Variants in CHRM5 observed in about 807,000 individuals in gnomAD.
The protein encoded by CHRM5 is muscarinic acetylcholine receptor M5.
CHRM5 carries 18 observed loss-of-function variants against 39.0 expected under a neutral mutation model. That is an observed-to-expected ratio of 0.46 (90% CI 0.32 to 0.68). The LOEUF is 0.68. Ranked by LOEUF, CHRM5 falls within the 30% of genes least tolerant of loss-of-function variation. The probability of loss-of-function intolerance (pLI) is 0.04; values close to 1 mark genes in which losing one functional copy is unlikely to be tolerated. For synonymous variants in CHRM5, 241 were observed against 246.3 expected (o/e 0.98, Z 0.20); for missense variants, 515 against 651.1 (o/e 0.79, Z 2.28).
intron 2 of CHRM5, among the ~76,000 whole-genome samples, chr15:34,055,780 G>T (rs549399615): frequency 6.6e-6 from 1 of 152,052 alleles, no homozygotes; most frequent in Non-Finnish European, 1.5e-5. Flanking sequence ...CAGCCTGGGC[G>T]ACGGAGCAAG....
At chr15:34,042,973 C>T (rs1030793811) in intron 1 of CHRM5, among the ~76,000 whole-genome samples, 1 of 151,914 alleles carries the variant, frequency 6.6e-6, no homozygotes, top group Non-Finnish European at 1.5e-5. Context: ...ATTGGCCAGG[C>T]GCGGTGGCTC....
intron 1 of CHRM5, among the ~76,000 whole-genome samples, chr15:34,043,248 A>G (rs1311182360): frequency 7.1e-6 from 1 of 139,942 alleles, no homozygotes. Flanking sequence ...ATCCGTCTCA[A>G]AAAAAAAAAA....
intron 2 of CHRM5, among the ~76,000 whole-genome samples, chr15:34,056,227 A>C (rs1249407454): frequency 6.6e-6 from 1 of 152,238 alleles, no homozygotes; most frequent in African/African-American, 2.4e-5. Context: ...ATTTTAAAGG[A>C]TAAACCATTA....
rs1427065514 is a variant in CHRM5 at position 34,066,905 on chromosome 15, T to C, written c.*2589T>C. The C allele has an allele frequency of 6.6e-6, 1 of 152,124 alleles. No individual in the cohort carries two copies. Among genetic ancestry groups the C allele is most frequent in the East Asian group, 1.9e-4 (1 of 5,198 alleles). 9.4% of individuals were successfully genotyped at this position (152,124 alleles called of 1,614,324 possible). On this transcript the variant is annotated 3_prime_UTR_variant, in exon 3 of 3. Transcript: ENST00000383263. ...AGTTTTGCAGACTACCTATGCCTCTTGACATAGACAAAAAATATCCCAAAC... is the reference window on the plus strand; with the variant it reads ...AGTTTTGCAGACTACCTATGCCTCTCGACATAGACAAAAAATATCCCAAAC...
chr15:34,028,784 G>C (rs1898619801), intron 1 of CHRM5, among the ~76,000 whole-genome samples: 1 of 151,930 alleles, frequency 6.6e-6, no homozygotes, highest in Admixed American at 6.6e-5. Flanking sequence ...CTAGCACATG[G>C]GGGGTGAGAA....
At position 34,063,080 on chromosome 15, in the gene CHRM5, T is replaced by C. The variant is rs1176540356; in HGVS notation, c.363T>C (p.Leu121=). Residue 121 remains leucine, a synonymous_variant, in exon 3 of 3, where the codon CTT becomes CTC. Transcript: ENST00000383263. The surrounding 1 kb of genome is among the most constrained non-coding windows in gnomAD (Gnocchi z 4.1). ...YVASNASVMN[L]LVISFDRYFS... The stretch of plus-strand genomic sequence containing the variant: ...CCAGCAACGCTTCTGTCATGAACCT[T>C]CTGGTGATCAGTTTTGACCGTTACT... The C allele has an allele frequency of 6.2e-7, 1 of 1,614,198 alleles. No individual in the cohort carries two copies. The highest frequency in any genetic ancestry group is 1.1e-5 in the South Asian group (1 of 91,074).
intron 1 of CHRM5, among the ~76,000 whole-genome samples, chr15:33,999,164 T>C (rs1897048373): frequency 6.6e-6 from 1 of 152,218 alleles, no homozygotes; most frequent in Admixed American, 6.5e-5. Context: ...TATGGAAGCC[T>C]TGGCAGAGGG....
intron 1 of CHRM5, chr15:33,992,176 G>GA (rs1399439911): frequency 6.6e-6 from 1 of 152,278 alleles, no homozygotes; most frequent in Admixed American, 6.5e-5. Context: ...CACGAAGTCA[G>GA]AAGATTTGAG....
chr15:33,990,054 A>AT (rs1472904927), intron 1 of CHRM5, among the ~76,000 whole-genome samples: 1 of 151,812 alleles, frequency 6.6e-6, no homozygotes, highest in Non-Finnish European at 1.5e-5. Flanking sequence ...AATACACAAA[A>AT]TTAGCCGGGC....
chr15:34,044,702 GTCCAGT>G (rs139583984), intron 1 of CHRM5, among the ~76,000 whole-genome samples: 2,256 of 152,252 alleles, frequency 0.015, 64 homozygotes, highest in African/African-American at 0.051. Context: ...CGTTAAATGG[GTCCAGT>G]TTATGCCTTC....
intron 1 of CHRM5, among the ~76,000 whole-genome samples, chr15:34,014,289 A>C (rs1897769915): frequency 6.8e-6 from 1 of 147,588 alleles, no homozygotes; most frequent in African/African-American, 2.5e-5. Flanking sequence ...GCTTGAACCC[A>C]GGAGGCAGAG....
rs71454513 is a variant in CHRM5 at position 34,053,299 on chromosome 15, CAAAA to C, written c.-76+6446_-76+6449del. On this transcript the variant is annotated intron_variant, in intron 2 of 2. Coordinates refer to ENST00000383263, the MANE Select transcript of CHRM5 (RefSeq NM_012125.4). ...TGGGTGACAGAGTGAGACTCCATCTCAAAAAAAAAAAAAAAAAAAAATATATATA... is the reference window on the plus strand; with the variant it reads ...TGGGTGACAGAGTGAGACTCCATCTCAAAAAAAAAAAAAAAAATATATATA... Among the ~76,000 whole-genome samples the C allele has an allele frequency of 2.4e-3, 123 of 51,520 alleles. 1 individual carries two copies. Among genetic ancestry groups the C allele is most frequent in the African/African-American group, 7.9e-3 (88 of 11,110 alleles). 33.8% of individuals were successfully genotyped at this position (51,520 alleles called of 152,430 possible).
intron 1 of CHRM5, among the ~76,000 whole-genome samples, chr15:34,014,205 A>G (rs894968212): frequency 6.6e-6 from 1 of 152,030 alleles, no homozygotes; most frequent in African/African-American, 2.4e-5. Context: ...TCTACTAAAA[A>G]TATGAAAAAT....
chr15:34,031,450 C>T (rs1313885372), intron 1 of CHRM5, among the ~76,000 whole-genome samples: 2 of 152,220 alleles, frequency 1.3e-5, no homozygotes, highest in African/African-American at 4.8e-5. Flanking sequence ...GCTGGGATTA[C>T]GGGCATGAGC....
At chr15:34,049,749 G>A (rs1421568116) in intron 2 of CHRM5, among the ~76,000 whole-genome samples, 1 of 151,834 alleles carries the variant, frequency 6.6e-6, no homozygotes, top group East Asian at 1.9e-4. Flanking sequence ...CTCCAACGTT[G>A]AAATGAAAGA....
At chr15:34,027,538 A>AAAAG (rs1555518024) in intron 1 of CHRM5, among the ~76,000 whole-genome samples, 9 of 151,362 alleles carry the variant, frequency 5.9e-5, no homozygotes, top group Admixed American at 2.6e-4. Context: ...CAAAAAAAAA[A>AAAAG]AAAGAAAGAA....
At position 34,043,516 on chromosome 15, in the gene CHRM5, C is replaced by G. The variant is rs151057807; in HGVS notation, c.-407-3024C>G. Among the ~76,000 whole-genome samples the G allele has an allele frequency of 7.1e-3, 1,081 of 152,280 alleles. 16 individuals carry two copies. The highest frequency in any genetic ancestry group is 0.025 in the African/African-American group (1,046 of 41,540). Reference sequence around the variant, plus strand: ...ATTTACTATGTTGTTTTGAACAGCTCCATCTACTACTGAGGGTGCTCACCA... The same window carrying G: ...ATTTACTATGTTGTTTTGAACAGCTGCATCTACTACTGAGGGTGCTCACCA... On this transcript the variant is annotated intron_variant, in intron 1 of 2. Coordinates refer to ENST00000383263, the MANE Select transcript of CHRM5 (RefSeq NM_012125.4).
At chr15:33,983,215 CATAT>C (rs148035145) in intron 1 of CHRM5, among the ~76,000 whole-genome samples, 1,227 of 110,462 alleles carry the variant, frequency 0.011, 33 homozygotes, top group African/African-American at 0.049. Flanking sequence ...TATATATATA[CATAT>C]ATATACACAC....
chr15:34,029,601 C>T (rs987675624), intron 1 of CHRM5, among the ~76,000 whole-genome samples: 6 of 150,950 alleles, frequency 4.0e-5, no homozygotes, highest in Non-Finnish European at 5.9e-5. Context: ...GTACTACTGA[C>T]TTTAAAAAGA....
Sources: allele counts gnomAD v4.1 joint callset (sites outside exome capture counted in the v4.1 genomes callset), GRCh38; gene constraint gnomAD v4.1.1; non-coding constraint Gnocchi (gnomAD v3.1); transcripts MANE v1.5; gene names NCBI Gene and HGNC (gene_info 2026-07-23, HGNC 2026-07-21).